BIRC6: variants seen among roughly 807,000 people sequenced by gnomAD.
The protein encoded by BIRC6 is baculoviral IAP repeat containing 6.
BIRC6 carries 98 observed loss-of-function variants against 503.3 expected under a neutral mutation model. That is an observed-to-expected ratio of 0.19 (90% CI 0.17 to 0.23). BIRC6 has a LOEUF of 0.23. Among genes scored for constraint, BIRC6 ranks in the 10% least tolerant of loss-of-function variants. The probability of loss-of-function intolerance (pLI) is 1.00; values close to 1 mark genes in which losing one functional copy is unlikely to be tolerated. For missense variants in BIRC6, 5,360 were observed against 5,806.0 expected (o/e 0.92, Z 2.50); for synonymous variants, 2,240 against 2,078.7 (o/e 1.08, Z -2.11).
At chr2:32,533,246 TCA>T (rs2150065790) in intron 61 of BIRC6, among the ~76,000 whole-genome samples, 1 of 152,312 alleles carries the variant, frequency 6.6e-6, no homozygotes, top group South Asian at 2.1e-4. Flanking sequence ...AACTATTAAC[TCA>T]TTTGTGTCCT....
intron 45 of BIRC6, among the ~76,000 whole-genome samples, chr2:32,494,482 T>C (rs2052180335): frequency 6.6e-6 from 1 of 151,916 alleles, no homozygotes; most frequent in Non-Finnish European, 1.5e-5. Flanking sequence ...CGCCTCAGCC[T>C]CCCAAAGTGC....
intron 53 of BIRC6, among the ~76,000 whole-genome samples, 176 bp downstream of exon 53, chr2:32,510,810 A>G (rs1572711373): frequency 6.6e-6 from 1 of 152,348 alleles, no homozygotes. Flanking sequence ...AACATTAGAC[A>G]TACATTTGTA....
intron 46 of BIRC6, among the ~76,000 whole-genome samples, chr2:32,500,865 A>G (rs564537607): frequency 1.3e-5 from 2 of 152,018 alleles, no homozygotes; most frequent in South Asian, 4.2e-4. Flanking sequence ...TCAGCCTCCG[A>G]AAGTGCTAGG....
chr2:32,492,660 TTTTC>T (rs2149350039), intron 44 of BIRC6, among the ~76,000 whole-genome samples: 1 of 152,148 alleles, frequency 6.6e-6, no homozygotes, highest in African/African-American at 2.4e-5. Flanking sequence ...AAAAATAATA[TTTTC>T]TTTCTGTTTT....
intron 52 of BIRC6, 27 bp from the exon 53 acceptor site, chr2:32,510,499 C>A: frequency 7.1e-7 from 1 of 1,404,432 alleles, no homozygotes; most frequent in Non-Finnish European, 1.0e-6. Flanking sequence ...ATTTAGCAAA[C>A]TTTTTCTTTG....
chr2:32,433,607 T>G (rs772996114), intron 12 of BIRC6, 37 bp from the exon 13 acceptor site: 1 of 1,491,508 alleles, frequency 6.7e-7, no homozygotes, highest in Admixed American at 1.8e-5. Context: ...GAAGAAAGAT[T>G]TTTGCTTTAT....
chr2:32,395,387 CT>C, intron 5 of BIRC6, 123 bp from the exon 6 acceptor site: 2 of 672,840 alleles, frequency 3.0e-6, no homozygotes, highest in East Asian at 5.8e-5. Context: ...ATATTATAGG[CT>C]AATTTTCTTA....
chr2:32,574,426 A>G (rs1421692169), intron 65 of BIRC6, among the ~76,000 whole-genome samples: 1 of 151,984 alleles, frequency 6.6e-6, no homozygotes, highest in Non-Finnish European at 1.5e-5. Context: ...CCCCAAGTAT[A>G]ACTCCTGACT....
At chr2:32,564,614 C>T (rs2059410051) in intron 65 of BIRC6, 1 of 152,204 alleles carries the variant, frequency 6.6e-6, no homozygotes, top group African/African-American at 2.4e-5. Context: ...AGCATATTTT[C>T]ATGTGTTCAT....
chr2:32,367,598 A>G (rs2149201661), intron 1 of BIRC6, among the ~76,000 whole-genome samples: 1 of 152,176 alleles, frequency 6.6e-6, no homozygotes, highest in South Asian at 2.1e-4. Context: ...GGACAGGCAG[A>G]TCAGTTCAGG....
In BIRC6 at chr2:32,529,662, C is replaced by G; in HGVS notation, c.11932C>G (p.Pro3978Ala). The change falls in exon 60 of 74, where the codon CCA (proline) becomes GCA (alanine). Residue 3978 changes from proline to alanine, a missense_variant. By Grantham distance (27) the Pro-to-Ala change is conservative. This residue lies in a region of BIRC6 where 878 missense variants were observed against 928.9 expected (regional missense o/e 0.95). Transcript: ENST00000421745. The part of the protein sequence containing the change: ...FHKLLAGQPL[P>A]AEMTLAQLLT... ...TTATATCATTTTAGGCCAGCCATTG[C>G]CAGCTGAAATGACACTTGCCCAGCT... 6.3e-7 allele frequency: 1 copy of G among 1,589,954 alleles called. No homozygotes were observed. The highest frequency in any genetic ancestry group is 8.5e-7 in the Non-Finnish European group (1 of 1,170,058).
At chr2:32,587,347 A>C (rs543017062) in intron 66 of BIRC6, among the ~76,000 whole-genome samples, 1 of 152,326 alleles carries the variant, frequency 6.6e-6, no homozygotes, top group South Asian at 2.1e-4. Flanking sequence ...AGATTTCGCC[A>C]CTGCCCTCCA....
intron 3 of BIRC6, among the ~76,000 whole-genome samples, chr2:32,387,232 T>C (rs1320754754): frequency 1.3e-5 from 2 of 151,992 alleles, no homozygotes; most frequent in South Asian, 2.1e-4. Context: ...AGGGGAGTCA[T>C]CCTCCCTTTC....
At chr2:32,365,869 T>A (rs546504216) in intron 1 of BIRC6, among the ~76,000 whole-genome samples, 1,894 of 151,902 alleles carry the variant, frequency 0.012, 27 homozygotes, top group Non-Finnish European at 0.016. Flanking sequence ...ATTTTATTTT[T>A]TAATTTAATT....
At chr2:32,607,955 G>A (rs1473728672) in intron 72 of BIRC6, among the ~76,000 whole-genome samples, 7 of 106,500 alleles carry the variant, frequency 6.6e-5, no homozygotes, top group Non-Finnish European at 8.5e-5. Context: ...CTGGGTGACA[G>A]CAGAGCAAGA....
At chr2:32,364,500 C>G (rs536229158) in intron 1 of BIRC6, among the ~76,000 whole-genome samples, 1 of 152,262 alleles carries the variant, frequency 6.6e-6, no homozygotes, top group African/African-American at 2.4e-5. Context: ...CCTGGCCTCC[C>G]AAAGTGCTGG....
At chr2:32,383,685 C>T (rs1482193108) in intron 3 of BIRC6, among the ~76,000 whole-genome samples, 1 of 152,144 alleles carries the variant, frequency 6.6e-6, no homozygotes, top group Non-Finnish European at 1.5e-5. Flanking sequence ...GCACGGGCCA[C>T]CACACCTGGC....
chr2:32,521,492 G>C (rs189188721), intron 57 of BIRC6, among the ~76,000 whole-genome samples: 7 of 150,238 alleles, frequency 4.7e-5, no homozygotes, highest in South Asian at 2.1e-4. Context: ...TTTGTTTTGA[G>C]ACGGAGTCTC....
At chr2:32,475,025 TGTG>T (rs1296298835) in intron 33 of BIRC6, among the ~76,000 whole-genome samples, 1 of 151,798 alleles carries the variant, frequency 6.6e-6, no homozygotes, top group Non-Finnish European at 1.5e-5. Context: ...GCCTGGCCAA[TGTG>T]GTGGCGTGTG....
Sources: gnomAD v4.1 joint callset for allele counts (sites outside exome capture counted in the v4.1 genomes callset) on GRCh38, gnomAD v4.1.1 for gene constraint, gnomAD v4.1.1 regional missense constraint, MANE v1.5 for transcripts, NCBI Gene and HGNC (gene_info 2026-07-23, HGNC 2026-07-21) for gene names.